The following ESF1 variants were observed in gnomAD, a reference collection of about 807,000 sequenced individuals.
ESF1 encodes ESF1 homolog.
ESF1 carries 58 observed loss-of-function variants against 92.0 expected under a neutral mutation model. The ratio of observed to expected loss-of-function variants is 0.63; its 90% CI spans 0.51 to 0.78. ESF1 has a LOEUF of 0.78. Ranked by LOEUF, ESF1 falls within the 30% of genes least tolerant of loss-of-function variation. The pLI is 0.00. For synonymous variants in ESF1, 321 were observed against 313.7 expected, an observed-to-expected ratio of 1.02 and a Z score of -0.24; for missense variants, 922 against 989.1, an observed-to-expected ratio of 0.93 and a Z score of 0.91.
At chr20:13,782,037 T>C (rs1174529500) in intron 2 of ESF1, among the ~76,000 whole-genome samples, 4 of 152,074 alleles carry the variant, frequency 2.6e-5, no homozygotes, top group Admixed American at 1.3e-4. Context: ...CCACCATGCC[T>C]GGCTATTTTT....
intron 1 of ESF1, among the ~76,000 whole-genome samples, chr20:13,783,702 C>A (rs1980398207): frequency 6.6e-6 from 1 of 152,154 alleles, no homozygotes; most frequent in Non-Finnish European, 1.5e-5. Flanking sequence ...GTAGTCCCAG[C>A]TACTTTGGAG....
chr20:13,747,771 T>C (rs574596397), intron 9 of ESF1, among the ~76,000 whole-genome samples: 1 of 152,296 alleles, frequency 6.6e-6, no homozygotes, highest in South Asian at 2.1e-4. Context: ...TAAACCTAGA[T>C]GGTGTGTAGC....
At chr20:13,765,761 A>C (rs542375250) in intron 8 of ESF1, among the ~76,000 whole-genome samples, 90 of 152,324 alleles carry the variant, frequency 5.9e-4, no homozygotes, top group African/African-American at 1.9e-3. Context: ...AAACCAACCA[A>C]AGTAAATTAA....
intron 6 of ESF1, 131 bp downstream of exon 6, chr20:13,771,200 G>A: frequency 4.0e-6 from 3 of 755,122 alleles, no homozygotes; most frequent in Non-Finnish European, 2.2e-6. Context: ...TGTTCCATGG[G>A]ATAGAGTTAA....
At chr20:13,765,956 T>C (rs1266369400) in intron 8 of ESF1, among the ~76,000 whole-genome samples, 1 of 152,056 alleles carries the variant, frequency 6.6e-6, no homozygotes, top group Non-Finnish European at 1.5e-5. Flanking sequence ...ACTTGAGAAA[T>C]AGCCAAATAC....
chr20:13,776,945 T>A (rs1979968991), intron 2 of ESF1, among the ~76,000 whole-genome samples: 1 of 152,136 alleles, frequency 6.6e-6, no homozygotes, highest in Admixed American at 6.5e-5. Flanking sequence ...AAGAGTTAAG[T>A]AGAGGCCAAG....
At chr20:13,740,421 G>T (rs934453413) in intron 9 of ESF1, among the ~76,000 whole-genome samples, 1 of 151,922 alleles carries the variant, frequency 6.6e-6, no homozygotes, top group African/African-American at 2.4e-5. Context: ...ACTAGACAGA[G>T]GTAAAGAAAG....
At chr20:13,755,261 G>C (rs547918546) in intron 9 of ESF1, among the ~76,000 whole-genome samples, 1 of 152,186 alleles carries the variant, frequency 6.6e-6, no homozygotes, top group East Asian at 1.9e-4. Flanking sequence ...TTAGGCCAGA[G>C]ATAGCTAAGA....
At chr20:13,717,320 T>G (rs2049835826) in intron 13 of ESF1, 48 bp downstream of exon 13, 2 of 1,602,658 alleles carry the variant, frequency 1.2e-6, no homozygotes, top group Admixed American at 3.4e-5. Context: ...GAGCTGACTT[T>G]AGATTCAATT....
chr20:13,730,420 G>A (rs1313042898), intron 10 of ESF1, among the ~76,000 whole-genome samples: 1 of 142,212 alleles, frequency 7.0e-6, no homozygotes, highest in East Asian at 2.1e-4. Context: ...GTCTCACTCT[G>A]TTGCCCAGGC....
At chr20:13,740,955 A>G (rs537368957) in intron 9 of ESF1, among the ~76,000 whole-genome samples, 1 of 151,930 alleles carries the variant, frequency 6.6e-6, no homozygotes, top group African/African-American at 2.4e-5. Flanking sequence ...TGCATCCAAG[A>G]TAATAGCCAA....
At chr20:13,731,289 T>C (rs2049940767) in intron 10 of ESF1, among the ~76,000 whole-genome samples, 1 of 152,092 alleles carries the variant, frequency 6.6e-6, no homozygotes, top group Non-Finnish European at 1.5e-5. Flanking sequence ...TTACTCACTT[T>C]GGGAGGCCGA....
intron 8 of ESF1, among the ~76,000 whole-genome samples, chr20:13,763,847 C>T (rs984731122): frequency 6.6e-6 from 1 of 152,088 alleles, no homozygotes; most frequent in Non-Finnish European, 1.5e-5. Context: ...AATACTTAAG[C>T]AATTATGTGG....
chr20:13,739,759 A>G (rs1426762449), intron 9 of ESF1, among the ~76,000 whole-genome samples: 1 of 151,922 alleles, frequency 6.6e-6, no homozygotes, highest in African/African-American at 2.4e-5. Flanking sequence ...CGGAAATATC[A>G]AACTAGATTA....
At chr20:13,744,820 T>C (rs1474881624) in intron 9 of ESF1, among the ~76,000 whole-genome samples, 1 of 152,170 alleles carries the variant, frequency 6.6e-6, no homozygotes, top group East Asian at 1.9e-4. Context: ...AAACTTCCTA[T>C]TCCCCATGTA....
At chr20:13,778,049 A>T (rs917358855) in intron 2 of ESF1, among the ~76,000 whole-genome samples, 21 of 152,204 alleles carry the variant, frequency 1.4e-4, no homozygotes, top group African/African-American at 4.8e-4. Flanking sequence ...CCATTTACTG[A>T]TTTATAAATC....
At position 13,761,571 on chromosome 20, in the gene ESF1, A is replaced by G. The variant is rs76147872; in HGVS notation, c.1667-1718T>C. Among the ~76,000 whole-genome samples, 1,011 of 152,266 alleles carry G rather than the reference A, an allele frequency of 6.6e-3. 6 individuals carry two copies. The highest frequency in any genetic ancestry group is 0.023 in the African/African-American group (964 of 41,556). ...CAGCCTGAAGAGAAGAGATAAAGGC[A>G]GTTGTTTATAATCCAAACCTAAGAA... is the stretch of plus-strand genomic sequence containing the variant. On this transcript the variant is annotated intron_variant, in intron 8 of 13. Coordinates refer to ENST00000617257, the MANE Select transcript of ESF1 (RefSeq NM_001276380.2).
intron 13 of ESF1, among the ~76,000 whole-genome samples, chr20:13,716,581 T>C (rs2049826445): frequency 6.6e-6 from 1 of 152,100 alleles, no homozygotes; most frequent in African/African-American, 2.4e-5. Flanking sequence ...CTGTGCTGGA[T>C]TAAAAGACAG....
Position 13,728,421 on chromosome 20 carries a change from A to T in ESF1, c.1995T>A (p.Val665=), listed in dbSNP as rs111665179. The T allele has an allele frequency of 1.5e-4, 245 of 1,613,360 alleles. 2 individuals are homozygous for T. In the African/African-American group the frequency reaches 2.6e-3, roughly 17 times the overall value. The change falls in exon 11 of 14, where the codon GTT becomes GTA. Residue 665 remains valine, a synonymous_variant. Transcript: ENST00000617257. ...CAGCAAAGTATGGGTCATTCAAATC[A>T]ACATCAGAGGGAAGTTCCTCTTCAC... ...EASEEELPSD[V]DLNDPYFAEE... is the part of the protein sequence containing the mutation.
Sources: gnomAD v4.1 joint callset for allele counts (sites outside exome capture counted in the v4.1 genomes callset) on GRCh38, gnomAD v4.1.1 for gene constraint, MANE v1.5 for transcripts, NCBI Gene and HGNC (gene_info 2026-07-23, HGNC 2026-07-21) for gene names.